The following ASIC2 variants were observed in gnomAD, a reference collection of about 807,000 sequenced individuals.
ASIC2 encodes the protein acid-sensing ion channel 2.
A neutral mutation model predicts 57.3 loss-of-function variants in ASIC2; 25 were observed. The observed-to-expected ratio is 0.44, with a 90% confidence interval of 0.32 to 0.61. The LOEUF (loss-of-function observed/expected upper bound fraction) is 0.61, where lower values mean the gene tolerates loss of function less well. ASIC2 is among the 20% of genes least tolerant of loss of function. The pLI is 0.06. For missense variants in ASIC2, 641 were observed against 738.1 expected, an observed-to-expected ratio of 0.87 and a Z score of 1.52; for synonymous variants, 319 against 307.5, an observed-to-expected ratio of 1.04 and a Z score of -0.39.
intron 1 of ASIC2, among the ~76,000 whole-genome samples, chr17:33,481,827 C>T (rs1913416710): frequency 6.6e-6 from 1 of 152,204 alleles, no homozygotes; most frequent in African/African-American, 2.4e-5. Context: ...AGCCTTGTCG[C>T]CGCTCCATTA....
At chr17:34,084,091 C>T (rs1445517392) in intron 1 of ASIC2, among the ~76,000 whole-genome samples, 1 of 151,688 alleles carries the variant, frequency 6.6e-6, no homozygotes, top group East Asian at 1.9e-4. Flanking sequence ...ACATGAAGTC[C>T]TTGCCCATGC....
At chr17:34,026,262 C>T (rs1406579487) in intron 1 of ASIC2, among the ~76,000 whole-genome samples, 2 of 152,078 alleles carry the variant, frequency 1.3e-5, no homozygotes, top group African/African-American at 4.8e-5. Flanking sequence ...GTATGCCTGC[C>T]CTGAAGTCTT....
rs145184761 is a variant in ASIC2, at chr17:33,032,569, C to T, written c.988-4177G>A. Among the ~76,000 whole-genome samples the T allele has an allele frequency of 3.6e-3, 550 of 151,360 alleles. 5 individuals are homozygous for T. Among genetic ancestry groups the T allele is most frequent in the African/African-American group, 0.013 (524 of 41,186 alleles). On this transcript the variant is annotated intron_variant, in intron 3 of 9. Coordinates refer to ENST00000225823, the MANE Select transcript of ASIC2 (RefSeq NM_183377.2). ...GTTTAAGCAATTCTCCAGCCTCAGCCTCCTAAGTAGCTGGGACTACAGGGA... is the reference window on the plus strand; with the variant it reads ...GTTTAAGCAATTCTCCAGCCTCAGCTTCCTAAGTAGCTGGGACTACAGGGA...
At chr17:33,443,570 C>G (rs1237875855) in intron 1 of ASIC2, among the ~76,000 whole-genome samples, 2 of 83,610 alleles carry the variant, frequency 2.4e-5, no homozygotes, top group Admixed American at 1.2e-4. Flanking sequence ...CCCGCCACTA[C>G]GCCCGGCTAA....
intron 1 of ASIC2, among the ~76,000 whole-genome samples, chr17:33,937,542 C>A (rs1196547485): frequency 6.6e-6 from 1 of 152,044 alleles, no homozygotes; most frequent in Non-Finnish European, 1.5e-5. Flanking sequence ...TCATAGCATG[C>A]CTTCCTTTTT....
At chr17:33,995,382 A>C (rs977571493) in intron 1 of ASIC2, among the ~76,000 whole-genome samples, 1 of 152,070 alleles carries the variant, frequency 6.6e-6, no homozygotes, top group Non-Finnish European at 1.5e-5. Context: ...TCCCCTGTCC[A>C]TCCTTTACCC....
chr17:33,199,669 C>T (rs558530723), intron 1 of ASIC2, among the ~76,000 whole-genome samples: 137 of 152,308 alleles, frequency 9.0e-4, no homozygotes, highest in Non-Finnish European at 1.6e-3. Context: ...AAACACATTT[C>T]TAGCTTCAGG....
chr17:33,139,014 C>T (rs569307873), intron 1 of ASIC2, among the ~76,000 whole-genome samples: 1 of 152,224 alleles, frequency 6.6e-6, no homozygotes, highest in Admixed American at 6.5e-5. Flanking sequence ...GGGCACTTCT[C>T]ATGTCTGGGC....
intron 1 of ASIC2, among the ~76,000 whole-genome samples, chr17:33,685,113 G>T (rs1440573314): frequency 3.3e-5 from 5 of 152,146 alleles, no homozygotes; most frequent in South Asian, 2.1e-4. Flanking sequence ...GTTCCCCCTG[G>T]GGGGGCTTAG....
chr17:33,812,015 T>C (rs1261833182), intron 1 of ASIC2, among the ~76,000 whole-genome samples: 2 of 152,182 alleles, frequency 1.3e-5, no homozygotes, highest in African/African-American at 4.8e-5. Flanking sequence ...TCCCTTTTTC[T>C]CTCCCTGTTC....
At chr17:33,149,350 TA>T (rs1241613747) in intron 1 of ASIC2, among the ~76,000 whole-genome samples, 1 of 152,222 alleles carries the variant, frequency 6.6e-6, no homozygotes, top group Non-Finnish European at 1.5e-5. Flanking sequence ...AAAACATGGG[TA>T]TTTTCCTATG....
intron 1 of ASIC2, among the ~76,000 whole-genome samples, chr17:33,313,605 A>C (rs1374112135): frequency 6.6e-6 from 1 of 152,160 alleles, no homozygotes; most frequent in African/African-American, 2.4e-5. Flanking sequence ...CAAAGTTCAG[A>C]GCTAAAAACT....
intron 1 of ASIC2, among the ~76,000 whole-genome samples, chr17:33,474,301 A>T (rs1913148063): frequency 6.6e-6 from 1 of 152,192 alleles, no homozygotes; most frequent in African/African-American, 2.4e-5. Context: ...TGGGAGGTGG[A>T]GGTTGCAGTG....
chr17:33,291,714 A>G lies in ASIC2; in HGVS notation c.402T>C (p.Thr134=), dbSNP rs9893935. The G allele has an allele frequency of 0.49, 797,805 of 1,613,386 alleles. 199,800 individuals are homozygous for G. Among genetic ancestry groups the G allele is most frequent in the East Asian group, 0.74 (33,059 of 44,804 alleles). The change falls in exon 1 of 10, where the codon ACT becomes ACC. Residue 134 remains threonine, a synonymous_variant. Coordinates refer to ENST00000225823, the MANE Select transcript of ASIC2 (RefSeq NM_183377.2). ...WSRQLPFPAV[T]VCNNNPLRFP... ...AGCGCAGCGGGTTGTTGTTGCACAC[A>G]GTGACGGCGGGGAAGGGTAACTGGC...
intron 1 of ASIC2, among the ~76,000 whole-genome samples, chr17:33,929,485 C>T (rs926266413): frequency 6.6e-6 from 1 of 152,210 alleles, no homozygotes; most frequent in Non-Finnish European, 1.5e-5. Flanking sequence ...CATTCATCAC[C>T]TTCTGGGGCT....
chr17:33,606,231 G>A (rs919617340), intron 1 of ASIC2, among the ~76,000 whole-genome samples: 3 of 152,124 alleles, frequency 2.0e-5, no homozygotes, highest in Non-Finnish European at 2.9e-5. Context: ...GACGATTCTC[G>A]AGATGCCAGG....
At position 33,101,218 on chromosome 17, in the gene ASIC2, A is replaced by G. The variant is rs76230615; in HGVS notation, c.859+10699T>C. ...CAGAGATGTCGGAGAAACCATAGCA[A>G]CCATCATCACCCACGCTTGTTCTGC... On this transcript the variant is annotated intron_variant, in intron 2 of 9. Transcript: ENST00000225823. Among the ~76,000 whole-genome samples, 1,320 of 152,334 alleles carry G rather than the reference A, an allele frequency of 8.7e-3. 24 individuals carry two copies. Among genetic ancestry groups the G allele is most frequent in the African/African-American group, 0.028 (1,151 of 41,564 alleles).
intron 1 of ASIC2, among the ~76,000 whole-genome samples, chr17:33,501,200 G>T (rs1403889686): frequency 6.6e-6 from 1 of 152,218 alleles, no homozygotes; most frequent in East Asian, 1.9e-4. Flanking sequence ...ACGTGATGCC[G>T]GCTAAATAAA....
intron 1 of ASIC2, among the ~76,000 whole-genome samples, chr17:34,142,542 T>G (rs983693906): frequency 3.9e-5 from 6 of 152,210 alleles, no homozygotes; most frequent in African/African-American, 1.4e-4. Context: ...TCATCAAAGT[T>G]GTATACAATT....
Sources: allele counts gnomAD v4.1 joint callset (sites outside exome capture counted in the v4.1 genomes callset), GRCh38; gene constraint gnomAD v4.1.1; transcripts MANE v1.5; gene names NCBI Gene and HGNC (gene_info 2026-07-23, HGNC 2026-07-21).